Variants in BBX observed in about 807,000 individuals in gnomAD.
The protein encoded by BBX is BBX high mobility group box domain containing, also known as HMG box transcription factor BBX.
Under a neutral mutation model 100.2 loss-of-function variants are expected in BBX, and 30 were observed. The ratio of observed to expected loss-of-function variants is 0.30; its 90% confidence interval spans 0.22 to 0.41. The LOEUF (loss-of-function observed/expected upper bound fraction) is 0.41, where lower values mean the gene tolerates loss of function less well. BBX is among the 10% of genes least tolerant of loss of function. BBX has a pLI of 1.00. For synonymous variants in BBX, 376 were observed against 388.1 expected (o/e 0.97, Z 0.37); for missense variants, 1,023 against 1,129.8 (o/e 0.91, Z 1.35).
intron 10 of BBX, among the ~76,000 whole-genome samples, chr3:107,760,388 G>A (rs1206215617): frequency 6.6e-6 from 1 of 152,308 alleles, no homozygotes; most frequent in African/African-American, 2.4e-5. Context: ...TTTAAAAAAT[G>A]TCTGTGCTTT....
intron 5 of BBX, 148 bp from the exon 6 acceptor site, chr3:107,728,617 A>G: frequency 1.5e-6 from 1 of 667,232 alleles, no homozygotes; most frequent in South Asian, 2.0e-5. Flanking sequence ...CTATGCTGAG[A>G]TTGTCATTCT....
intron 13 of BBX, among the ~76,000 whole-genome samples, chr3:107,783,322 A>C (rs540499942): frequency 2.0e-5 from 3 of 152,214 alleles, no homozygotes; most frequent in African/African-American, 7.2e-5. Flanking sequence ...GAAGAAAGGA[A>C]TTTTAAAAAT....
At chr3:107,612,890 G>A (rs2054948974) in intron 2 of BBX, among the ~76,000 whole-genome samples, 1 of 152,156 alleles carries the variant, frequency 6.6e-6, no homozygotes, top group Non-Finnish European at 1.5e-5. Context: ...ACCAGAGCCT[G>A]GAGTCAGAAA....
intron 3 of BBX, among the ~76,000 whole-genome samples, chr3:107,680,097 C>A (rs1468211543): frequency 6.6e-6 from 1 of 152,138 alleles, no homozygotes; most frequent in African/African-American, 2.4e-5. Context: ...ATAAGTGTTA[C>A]TGTGGCCAGA....
rs565208296 is a variant in BBX, at chr3:107,699,139, G to A, written c.-9-11313G>A. On this transcript the variant is annotated intron_variant, in intron 3 of 17. Coordinates refer to ENST00000325805, the MANE Select transcript of BBX (RefSeq NM_001142568.3). ...CACAGTTGAGTGTGATATAAAGAAG[G>A]AAACAGGTCATTTCAGTGTAGCCTA... Among the ~76,000 whole-genome samples the A allele has an allele frequency of 3.9e-4, 60 of 151,920 alleles. 1 individual carries two copies. Among genetic ancestry groups the A allele is most frequent in the Admixed American group, 1.3e-3 (20 of 15,290 alleles).
Position 107,577,112 on chromosome 3 carries a change from G to A in BBX, c.-84+50714G>A, listed in dbSNP as rs374315146. On this transcript the variant is annotated intron_variant, in intron 2 of 17. Transcript: ENST00000325805. The stretch of plus-strand genomic sequence containing the variant: ...CTGACCTCATGATCCACCCACCTCA[G>A]CCTCCCAAAGTGCTGGGATTACAGG... 2.0e-5 allele frequency among the ~76,000 whole-genome samples: 3 copies of A among 152,146 alleles called. No homozygotes were observed. In the East Asian group the frequency reaches 5.8e-4, roughly 29 times the overall value.
chr3:107,688,938 C>T (rs1317395541), intron 3 of BBX, among the ~76,000 whole-genome samples: 1 of 152,040 alleles, frequency 6.6e-6, no homozygotes, highest in African/African-American at 2.4e-5. Context: ...CTCAGTGAGC[C>T]CCTACCTTTC....
rs532389437 is a variant in BBX at position 107,747,895 on chromosome 3, T to A, written c.751-70T>A. The A allele has an allele frequency of 7.4e-5, 98 of 1,321,812 alleles. 2 individuals carry two copies. The South Asian group carries it at 1.2e-3, about 16-fold the overall frequency. The allele number at this position is 1,321,812 out of a possible 1,614,324, so 81.9% of individuals were successfully genotyped here. On this transcript the variant is annotated intron_variant, in intron 8 of 17. Transcript: ENST00000325805. Reference sequence around the variant, plus strand: ...TTATCAGTGTCTACAGTTGAAAATATATGGCAGAATCTTATGATCTGATGT... The same window carrying A: ...TTATCAGTGTCTACAGTTGAAAATAAATGGCAGAATCTTATGATCTGATGT...
rs150223390 is a variant in BBX, at chr3:107,535,879, G to A, written c.-84+9481G>A. Among the ~76,000 whole-genome samples, 711 of 152,354 alleles carry A rather than the reference G, an allele frequency of 4.7e-3. 5 individuals are homozygous for A. The highest frequency in any genetic ancestry group is 0.016 in the African/African-American group (662 of 41,578). On this transcript the variant is annotated intron_variant, in intron 2 of 17. Coordinates refer to ENST00000325805, the MANE Select transcript of BBX (RefSeq NM_001142568.3). Reference sequence around the variant, plus strand: ...CTCCCAAAGTGCTGGGATTATAGGCGTGAGCCACCACACCCAGCCTGTACT... The same window carrying A: ...CTCCCAAAGTGCTGGGATTATAGGCATGAGCCACCACACCCAGCCTGTACT...
At chr3:107,698,493 A>G (rs1302511510) in intron 3 of BBX, among the ~76,000 whole-genome samples, 1 of 151,486 alleles carries the variant, frequency 6.6e-6, no homozygotes, top group African/African-American at 2.4e-5. Context: ...TCTACTAAAA[A>G]TAACAAAAAT....
chr3:107,731,235 CA>C (rs2063295669), intron 6 of BBX, among the ~76,000 whole-genome samples: 1 of 152,138 alleles, frequency 6.6e-6, no homozygotes, highest in Non-Finnish European at 1.5e-5. Context: ...AAACTTCTTG[CA>C]AAGTCACATT....
At chr3:107,556,689 A>G (rs1425175175) in intron 2 of BBX, among the ~76,000 whole-genome samples, 1 of 152,192 alleles carries the variant, frequency 6.6e-6, no homozygotes, top group Non-Finnish European at 1.5e-5. Context: ...AAAAGGCTCA[A>G]TTTACATAAA....
chr3:107,576,559 T>C (rs561781196), intron 2 of BBX, among the ~76,000 whole-genome samples: 165 of 152,294 alleles, frequency 1.1e-3, no homozygotes, highest in African/African-American at 3.6e-3. Flanking sequence ...ATATTACATG[T>C]GTGTGAAAGC....
chr3:107,789,861 A>G lies in BBX; in HGVS notation c.2278A>G (p.Asn760Asp). The change falls in exon 14 of 18, where the codon AAT becomes GAT. Residue 760 changes from asparagine (N) to aspartate (D), a missense_variant. By Grantham distance (23) the Asn-to-Asp change is conservative (BLOSUM62 1). Around this residue, in one of 9 missense-constraint regions of BBX, gnomAD observed 215 missense variants for 211.3 expected, o/e 1.02. Transcript: ENST00000325805. Reference sequence around the variant, plus strand: ...ATATAAGCACAAAAAGGAGAAGCCCAATGTTCCGGAAAAAGGTATTGGTGC... The same window carrying G: ...ATATAAGCACAAAAAGGAGAAGCCCGATGTTCCGGAAAAAGGTATTGGTGC... ...SKYKHKKEKP[N>D]VPEKGSGDKW... 1 of 1,549,520 alleles carries G rather than the reference A, an allele frequency of 6.5e-7. No homozygotes were observed. Among genetic ancestry groups the G allele is most frequent in the Non-Finnish European group, 8.7e-7 (1 of 1,145,344 alleles).
At chr3:107,627,571 C>G (rs1471118351) in intron 2 of BBX, among the ~76,000 whole-genome samples, 2 of 152,124 alleles carry the variant, frequency 1.3e-5, no homozygotes, top group Non-Finnish European at 2.9e-5. Context: ...AGCATGTAAT[C>G]ATTGAAGAAG....
intron 3 of BBX, among the ~76,000 whole-genome samples, chr3:107,707,845 T>C (rs187019494): frequency 6.6e-6 from 1 of 152,302 alleles, no homozygotes; most frequent in East Asian, 1.9e-4. Flanking sequence ...TATCCACACA[T>C]ATATATACAT....
intron 3 of BBX, among the ~76,000 whole-genome samples, chr3:107,680,910 A>T (rs1278193600): frequency 6.6e-6 from 1 of 152,180 alleles, no homozygotes; most frequent in Non-Finnish European, 1.5e-5. Flanking sequence ...TGCTCTGCTG[A>T]CTGGAAAGCC....
intron 10 of BBX, among the ~76,000 whole-genome samples, chr3:107,764,031 C>T (rs754045701): frequency 3.9e-5 from 6 of 152,048 alleles, no homozygotes; most frequent in Non-Finnish European, 8.8e-5. Flanking sequence ...CTTGCTCTGT[C>T]GCCCAGGCTG....
intron 9 of BBX, among the ~76,000 whole-genome samples, chr3:107,748,694 G>A (rs1220539118): frequency 2.0e-5 from 3 of 152,144 alleles, no homozygotes; most frequent in Admixed American, 1.3e-4. Context: ...TTTCTAATGA[G>A]CACTATATGA....
Sources: allele counts gnomAD v4.1 joint callset (sites outside exome capture counted in the v4.1 genomes callset), GRCh38; gene constraint gnomAD v4.1.1; regional missense constraint gnomAD v4.1.1; transcripts MANE v1.5; gene names NCBI Gene and HGNC (gene_info 2026-07-23, HGNC 2026-07-21).